PDE8A: variants seen among roughly 807,000 people sequenced by gnomAD.
PDE8A encodes the protein phosphodiesterase 8A, also known as high affinity cAMP-specific and IBMX-insensitive 3',5'-cyclic phosphodiesterase 8A.
A neutral mutation model predicts 105.0 loss-of-function variants in PDE8A; 59 were observed. That is an observed-to-expected ratio of 0.56 (90% CI 0.46 to 0.70). The LOEUF is 0.70. PDE8A is among the 30% of genes least tolerant of loss of function. The pLI, the probability that PDE8A is intolerant of heterozygous loss-of-function variation, is 0.00. For synonymous variants in PDE8A, 355 were observed against 371.9 expected (o/e 0.95, Z 0.52); for missense variants, 1,014 against 1,045.9 (o/e 0.97, Z 0.42).
intron 12 of PDE8A, among the ~76,000 whole-genome samples, chr15:85,110,877 C>A (rs1020215750): frequency 6.6e-5 from 10 of 152,218 alleles, no homozygotes; most frequent in African/African-American, 2.4e-4. Flanking sequence ...CCATGTTACT[C>A]TCCTCACTCA....
intron 1 of PDE8A, among the ~76,000 whole-genome samples, chr15:84,986,458 T>A (rs1166941514): frequency 6.6e-6 from 1 of 152,116 alleles, no homozygotes; most frequent in Non-Finnish European, 1.5e-5. Context: ...TCTTCCTCCT[T>A]GCTTTTTTCT....
At chr15:85,120,776 T>G in intron 17 of PDE8A, 21 bp from the exon 18 acceptor site, 1 of 1,547,642 alleles carries the variant, frequency 6.5e-7, no homozygotes, top group Non-Finnish European at 8.8e-7. Context: ...CCCCAGTTTT[T>G]AAAAGCTCTC....
intron 1 of PDE8A, among the ~76,000 whole-genome samples, chr15:85,010,404 G>C (rs557926829): frequency 1.3e-5 from 2 of 152,034 alleles, no homozygotes; most frequent in East Asian, 3.8e-4. Flanking sequence ...CTTCCTTTTT[G>C]CAAAATAATA....
intron 6 of PDE8A, 21 bp downstream of exon 6, chr15:85,083,665 A>G (rs1342990483): frequency 6.5e-7 from 1 of 1,530,476 alleles, no homozygotes. Flanking sequence ...CACTTCTGGA[A>G]AGCCCTCCAG....
intron 3 of PDE8A, among the ~76,000 whole-genome samples, chr15:85,068,365 G>A (rs2081263139): frequency 6.6e-6 from 1 of 152,092 alleles, no homozygotes; most frequent in African/African-American, 2.4e-5. Context: ...TTCTTGACAT[G>A]TCATTTGGCC....
chr15:85,050,722 T>A (rs2080959661), intron 1 of PDE8A, among the ~76,000 whole-genome samples: 1 of 152,236 alleles, frequency 6.6e-6, no homozygotes, highest in African/African-American at 2.4e-5. Flanking sequence ...TGTAGCTTTG[T>A]AGTAAGTCAC....
Position 85,104,640 on chromosome 15 carries a change from C to T in PDE8A, c.1037-4413C>T, listed in dbSNP as rs376509921. Among the ~76,000 whole-genome samples, 15 of 152,254 alleles carry T rather than the reference C, an allele frequency of 9.9e-5. No homozygotes were observed. The East Asian group carries it at 2.9e-3, about 30-fold the overall frequency. On this transcript the variant is annotated intron_variant, in intron 11 of 21. Coordinates refer to ENST00000394553, the MANE Select transcript of PDE8A (RefSeq NM_002605.3). ...AGACTTCAGAATGACACCAAGATAT[C>T]TAGCTTGGCCACTGGATAACATTAG...
At position 85,091,174 on chromosome 15, in the gene PDE8A, T is replaced by C. The variant is rs2081636998; in HGVS notation, c.845T>C (p.Ile282Thr). The change falls in exon 8 of 22, where the codon ATA (isoleucine) becomes ACA (threonine). Residue 282 changes from isoleucine (I) to threonine (T), a missense_variant. Transcript: ENST00000394553. ...GATACTATAAATTCATGCATCAGGATAGGCAAGGTAAGTAAGAGGTCAGTG... is the reference window on the plus strand; with the variant it reads ...GATACTATAAATTCATGCATCAGGACAGGCAAGGTAAGTAAGAGGTCAGTG... ...LLDTINSCIRIGKEWQGIYYA... is the reference protein window; with the variant it reads ...LLDTINSCIRTGKEWQGIYYA... 1.4e-5 allele frequency: 23 copies of C among 1,603,200 alleles called. No homozygotes were observed. Among genetic ancestry groups the C allele is most frequent in the Non-Finnish European group, 2.0e-5 (23 of 1,175,882 alleles).
chr15:85,138,281 A>G lies in PDE8A; in HGVS notation c.*378A>G, dbSNP rs1185361821. Reference sequence around the variant, plus strand: ...TCTCAGTTACGTTCAGCACTTAAGAACGGCTAATGGCAATAGGATCTTTAG... The same window carrying G: ...TCTCAGTTACGTTCAGCACTTAAGAGCGGCTAATGGCAATAGGATCTTTAG... On this transcript the variant is annotated 3_prime_UTR_variant, in exon 22 of 22. Transcript: ENST00000394553. 6.0e-6 allele frequency: 1 copy of G among 166,658 alleles called. No homozygotes were observed. The highest frequency in any genetic ancestry group is 1.3e-5 in the Non-Finnish European group (1 of 77,514). 10.3% of individuals were successfully genotyped at this position (166,658 alleles called of 1,614,324 possible).
chr15:85,056,742 C>T (rs755473211), intron 1 of PDE8A, among the ~76,000 whole-genome samples: 3 of 152,188 alleles, frequency 2.0e-5, no homozygotes, highest in Non-Finnish European at 2.9e-5. Context: ...AGCTTCTTTG[C>T]AGTGGGTTCA....
At chr15:84,982,380 C>G (rs2079729246) in intron 1 of PDE8A, 32 bp downstream of exon 1, 1 of 1,279,586 alleles carries the variant, frequency 7.8e-7, no homozygotes, top group East Asian at 3.1e-5. Flanking sequence ...GGGGCCGCCG[C>G]GAAACTCGGG....
chr15:85,109,134 A>T lies in PDE8A; in HGVS notation c.1114+4A>T. 6.3e-7 allele frequency: 1 copy of T among 1,599,922 alleles called. No individual in the cohort carries two copies. Among genetic ancestry groups the T allele is most frequent in the Non-Finnish European group, 8.6e-7 (1 of 1,167,690 alleles). ...GTTGCCTCCCGTGCAACTGAAGGTG[A>T]GTGACAAAGACAAGAGAAAAAAATG... is the stretch of plus-strand genomic sequence containing the variant. On this transcript the variant is annotated splice_donor_region_variant and intron_variant, in intron 12 of 21. Coordinates refer to ENST00000394553, the MANE Select transcript of PDE8A (RefSeq NM_002605.3).
chr15:85,021,051 T>A (rs1158552176), intron 1 of PDE8A, among the ~76,000 whole-genome samples: 1 of 152,128 alleles, frequency 6.6e-6, no homozygotes, highest in African/African-American at 2.4e-5. Context: ...GTGGGGCCTT[T>A]GGGAGATGAT....
chr15:85,005,401 C>T (rs536424561), intron 1 of PDE8A, among the ~76,000 whole-genome samples: 5 of 152,308 alleles, frequency 3.3e-5, no homozygotes, highest in Non-Finnish European at 7.4e-5. Flanking sequence ...CAAGTATGTG[C>T]CACTGTGCCC....
intron 1 of PDE8A, among the ~76,000 whole-genome samples, chr15:84,986,802 C>T (rs1264101349): frequency 2.0e-5 from 3 of 151,536 alleles, no homozygotes; most frequent in African/African-American, 2.4e-5. Context: ...TTTGTCGAGA[C>T]GAGATCTTGC....
chr15:85,030,354 C>G (rs1193314575), intron 1 of PDE8A, among the ~76,000 whole-genome samples: 1 of 151,918 alleles, frequency 6.6e-6, no homozygotes, highest in Non-Finnish European at 1.5e-5. Context: ...CTAGCCACAG[C>G]CTCTTTGTCT....
chr15:85,087,102 G>GT (rs909547373), intron 6 of PDE8A, among the ~76,000 whole-genome samples: 13 of 147,726 alleles, frequency 8.8e-5, no homozygotes, highest in Admixed American at 2.7e-4. Flanking sequence ...TTATCTCCTG[G>GT]TTTTTTTTAC....
intron 1 of PDE8A, among the ~76,000 whole-genome samples, chr15:85,007,284 G>A (rs2080163758): frequency 6.6e-6 from 1 of 151,800 alleles, no homozygotes; most frequent in African/African-American, 2.4e-5. Flanking sequence ...TTCTCAACAC[G>A]ATTCAGCATG....
intron 1 of PDE8A, among the ~76,000 whole-genome samples, chr15:85,039,408 G>A (rs568200294): frequency 4.0e-5 from 6 of 151,730 alleles, no homozygotes; most frequent in African/African-American, 1.5e-4. Context: ...CAGCCTGGGT[G>A]ACAGAGTGAG....
Sources: allele counts gnomAD v4.1 joint callset (sites outside exome capture counted in the v4.1 genomes callset), GRCh38; gene constraint gnomAD v4.1.1; transcripts MANE v1.5; gene names NCBI Gene and HGNC (gene_info 2026-07-23, HGNC 2026-07-21).